The following SLC30A8 variants were observed in gnomAD, a reference collection of about 807,000 sequenced individuals.
SLC30A8 encodes proton-coupled zinc antiporter SLC30A8.
Under a neutral mutation model 36.9 loss-of-function variants are expected in SLC30A8, and 27 were observed. That is an observed-to-expected ratio of 0.73 (90% CI 0.54 to 1.01). The LOEUF is 1.01. Ranked by LOEUF, SLC30A8 falls within the 50% of genes least tolerant of loss-of-function variation. The probability of loss-of-function intolerance (pLI) is 0.00; values close to 1 mark genes in which losing one functional copy is unlikely to be tolerated. For missense variants in SLC30A8, 439 were observed against 452.0 expected (o/e 0.97, Z 0.26); for synonymous variants, 164 against 172.4 (o/e 0.95, Z 0.38).
rs748978411 is a variant in SLC30A8, at chr8:116,987,836, C to T, written c.-266+36717C>T. Among the ~76,000 whole-genome samples, 53 of 152,168 alleles carry T rather than the reference C, an allele frequency of 3.5e-4. 1 individual carries two copies. Among genetic ancestry groups the T allele is most frequent in the Non-Finnish European group, 7.4e-5 (5 of 68,022 alleles). On this transcript the variant is annotated intron_variant, in intron 1 of 10. Transcript: ENST00000427715. The stretch of plus-strand genomic sequence containing the variant: ...TCAGCCTCCTAAGTAGCTGGGATTA[C>T]AGATGCGTGCCACCACGGCTGGCTA...
At chr8:117,107,734 A>G (rs915302399) in intron 2 of SLC30A8, among the ~76,000 whole-genome samples, 2 of 152,290 alleles carry the variant, frequency 1.3e-5, no homozygotes, top group Admixed American at 1.3e-4. Flanking sequence ...AACTCCCCCA[A>G]ATCTCTCAGG....
At chr8:117,067,329 AG>A (rs1818200506) in intron 2 of SLC30A8, among the ~76,000 whole-genome samples, 1 of 151,400 alleles carries the variant, frequency 6.6e-6, no homozygotes, top group Non-Finnish European at 1.5e-5. Flanking sequence ...TTCATGCTTG[AG>A]CCACTTGGAG....
intron 2 of SLC30A8, among the ~76,000 whole-genome samples, chr8:117,149,627 A>G (rs773298253): frequency 6.6e-6 from 1 of 152,220 alleles, no homozygotes; most frequent in Non-Finnish European, 1.5e-5. Flanking sequence ...TGGTGGTTAC[A>G]TCAAGGAATA....
intron 1 of SLC30A8, among the ~76,000 whole-genome samples, chr8:116,989,122 T>C (rs1708720889): frequency 6.6e-6 from 1 of 152,200 alleles, no homozygotes; most frequent in African/African-American, 2.4e-5. Flanking sequence ...GAATTAAGCA[T>C]GAAGGAGGAG....
chr8:117,090,119 A>G (rs910124886), intron 2 of SLC30A8, among the ~76,000 whole-genome samples: 7 of 151,968 alleles, frequency 4.6e-5, no homozygotes, highest in African/African-American at 1.7e-4. Flanking sequence ...ATCTGCCACC[A>G]TGCCTGGCTA....
intron 2 of SLC30A8, among the ~76,000 whole-genome samples, chr8:117,056,763 G>T (rs1382737871): frequency 6.6e-6 from 1 of 152,096 alleles, no homozygotes; most frequent in East Asian, 1.9e-4. Context: ...ATGCTTTCAT[G>T]GTCTTTTTCA....
chr8:117,157,840 A>G lies in SLC30A8; in HGVS notation c.568A>G (p.Ile190Val), dbSNP rs370682947. 5.0e-6 allele frequency: 8 copies of G among 1,613,880 alleles called. No homozygotes were observed. The highest frequency in any genetic ancestry group is 1.3e-5 in the African/African-American group (1 of 74,878). The change falls in exon 4 of 8, where the codon ATT becomes GTT. Residue 190 changes from isoleucine to valine, a missense_variant. Transcript: ENST00000456015. ...TTCCAGCTGCGCAGTGGCGGCCAAC[A>G]TTGTGTAAGTCATCCCCTGGTCCCC... ...IVSSCAVAAN[I>V]VLTVVLHQRC...
chr8:116,991,774 A>G (rs1279463694), intron 1 of SLC30A8, among the ~76,000 whole-genome samples: 1 of 152,144 alleles, frequency 6.6e-6, no homozygotes, highest in Non-Finnish European at 1.5e-5. Flanking sequence ...CACATTCATA[A>G]TATTGGAATT....
chr8:117,110,766 A>G (rs1820192090), intron 2 of SLC30A8, among the ~76,000 whole-genome samples: 1 of 152,194 alleles, frequency 6.6e-6, no homozygotes, highest in African/African-American at 2.4e-5. Flanking sequence ...CTTGATTTAT[A>G]AGGAATAATC....
At chr8:117,169,177 C>G (rs542750617) in intron 6 of SLC30A8, among the ~76,000 whole-genome samples, 43 of 152,196 alleles carry the variant, frequency 2.8e-4, no homozygotes, top group African/African-American at 1.0e-3. Context: ...AGCATGATAA[C>G]CAGCTCTTTG....
Position 117,135,323 on chromosome 8 carries a change from C to T in SLC30A8, c.-5C>T. 1 of 1,587,878 alleles carries T rather than the reference C, an allele frequency of 6.3e-7. No homozygotes were observed. The highest frequency in any genetic ancestry group is 1.2e-5 in the South Asian group (1 of 85,868). ...CAACAACAGCCGCAGCTCATCCTGG[C>T]CGTCATGGAGTTTCTTGAAAGAACG... On this transcript the variant is annotated 5_prime_UTR_variant, in exon 1 of 8. Coordinates refer to ENST00000456015, the MANE Select transcript of SLC30A8 (RefSeq NM_173851.3).
intron 2 of SLC30A8, among the ~76,000 whole-genome samples, chr8:117,098,926 C>T (rs927932319): frequency 6.6e-6 from 1 of 152,000 alleles, no homozygotes; most frequent in African/African-American, 2.4e-5. Context: ...ATGCTAGAAA[C>T]CAGAGACACC....
chr8:117,168,874 C>G (rs1052639380), intron 6 of SLC30A8, among the ~76,000 whole-genome samples: 2 of 152,122 alleles, frequency 1.3e-5, no homozygotes, highest in African/African-American at 4.8e-5. Flanking sequence ...TCTGTGTGGC[C>G]TTAGCAATGT....
chr8:116,960,586 G>A (rs996563182), intron 1 of SLC30A8, among the ~76,000 whole-genome samples: 3 of 152,184 alleles, frequency 2.0e-5, no homozygotes, highest in Non-Finnish European at 4.4e-5. Context: ...CACATACAAC[G>A]TCGCAGTAAG....
In SLC30A8 at chr8:117,172,982, C is replaced by G. The variant is rs1823468283; in HGVS notation, c.*301C>G. On this transcript the variant is annotated 3_prime_UTR_variant, in exon 8 of 8. Transcript: ENST00000456015. ...ACTATCGGCAATACCAAATTCATCTCCCTTCCAATAATGCATCTTGAGAAC... is the reference window on the plus strand; with the variant it reads ...ACTATCGGCAATACCAAATTCATCTGCCTTCCAATAATGCATCTTGAGAAC... 5 of 308,666 alleles carry G rather than the reference C, an allele frequency of 1.6e-5. 1 individual carries two copies. Among genetic ancestry groups the G allele is most frequent in the Middle Eastern group, 1.7e-3 (2 of 1,158 alleles). The allele number at this position is 308,666 out of a possible 1,614,324, so 19.1% of individuals were successfully genotyped here.
chr8:116,990,432 T>A (rs1163669668), intron 1 of SLC30A8, among the ~76,000 whole-genome samples: 3 of 152,218 alleles, frequency 2.0e-5, no homozygotes, highest in Non-Finnish European at 2.9e-5. Flanking sequence ...ATGTAGCCTC[T>A]TCACCTTGTT....
upstream of SLC30A8, among the ~76,000 whole-genome samples, chr8:117,133,772 G>C (rs1034413557): frequency 5.9e-5 from 9 of 151,924 alleles, no homozygotes; most frequent in Admixed American, 3.9e-4. Flanking sequence ...TGATTACTTT[G>C]TAAGGTTAAG....
At chr8:117,098,336 G>A (rs1204674755) in intron 2 of SLC30A8, among the ~76,000 whole-genome samples, 1 of 151,808 alleles carries the variant, frequency 6.6e-6, no homozygotes, top group Non-Finnish European at 1.5e-5. Flanking sequence ...GTATAAATCA[G>A]CAAACTCACC....
Position 117,167,480 on chromosome 8 carries a change from C to CAT in SLC30A8, c.830-3542_830-3541dup, listed in dbSNP as rs370309015. On this transcript the variant is annotated intron_variant, in intron 6 of 7. Transcript: ENST00000456015. ...CTTTCCAAAGATATTTGTGCATTTG[C>CAT]ATATATATATATACATACATACATG... Among the ~76,000 whole-genome samples, 495 of 121,046 alleles carry CAT rather than the reference C, an allele frequency of 4.1e-3. 13 individuals carry two copies. The highest frequency in any genetic ancestry group is 9.2e-3 in the African/African-American group (334 of 36,232). The allele number at this position is 121,046 out of a possible 152,430, so 79.4% of individuals were successfully genotyped here.
Sources: allele counts gnomAD v4.1 joint callset (sites outside exome capture counted in the v4.1 genomes callset), GRCh38; gene constraint gnomAD v4.1.1; transcripts MANE v1.5; gene names NCBI Gene and HGNC (gene_info 2026-07-23, HGNC 2026-07-21).